The following COL16A1 variants were observed in gnomAD, a reference collection of about 807,000 sequenced individuals.
The protein encoded by COL16A1 is collagen alpha-1(XVI) chain.
Under a neutral mutation model 266.3 loss-of-function variants are expected in COL16A1, and 189 were observed. The observed-to-expected ratio is 0.71, with a 90% CI of 0.63 to 0.80. COL16A1 has a LOEUF of 0.80. Among genes scored for constraint, COL16A1 ranks in the 30% least tolerant of loss-of-function variants. The pLI, the probability that COL16A1 is intolerant of heterozygous loss-of-function variation, is 0.00. For missense variants in COL16A1, 1,928 were observed against 2,122.4 expected (o/e 0.91, Z 1.80); for synonymous variants, 740 against 782.3 (o/e 0.95, Z 0.90).
At chr1:31,683,807 T>C in intron 33 of COL16A1, 59 bp from the exon 34 acceptor site, 2 of 1,612,470 alleles carry the variant, frequency 1.2e-6, no homozygotes, top group Non-Finnish European at 1.7e-6. Context: ...TTTCCCCTTC[T>C]CCCCAGCCCC....
chr1:31,655,696 C>A, intron 66 of COL16A1, 194 bp from the exon 67 acceptor site: 1 of 925,882 alleles, frequency 1.1e-6, no homozygotes, highest in Middle Eastern at 3.2e-4. Context: ...TTACTCCCTG[C>A]TTAGAAATTC....
intron 37 of COL16A1, 69 bp downstream of exon 37, chr1:31,682,865 G>T: frequency 6.3e-7 from 1 of 1,594,654 alleles, no homozygotes. Context: ...TCAGCCCTGT[G>T]CCCTCTTCCC....
chr1:31,672,948 T>A (rs1642861355), intron 44 of COL16A1, 108 bp from the exon 45 acceptor site: 1 of 1,012,574 alleles, frequency 9.9e-7, no homozygotes, highest in African/African-American at 1.6e-5. Flanking sequence ...TGCCCTGCCG[T>A]CTTCCCTCCT....
rs2292990 is a variant in COL16A1 at position 31,670,567 on chromosome 1, G to A, written c.3195+35C>T. The A allele has an allele frequency of 4.4e-6, 6 of 1,348,720 alleles. No homozygotes were observed. The African/African-American group carries it at 6.2e-5, about 14-fold the overall frequency. 83.5% of individuals were successfully genotyped at this position (1,348,720 alleles called of 1,614,324 possible). A position where few individuals can be genotyped will look rare whatever the true frequency, so the allele number is the denominator to read the frequency against. On this transcript the variant is annotated intron_variant, in intron 49 of 70. Transcript: ENST00000373672. The surrounding 1 kb of genome is among the most constrained non-coding windows in gnomAD (Gnocchi z 4.5). ...AAAGCCACAGAGACCTGGCTGACGGGGGGGAGGGGAGGTCGAGCAGCGCTA... is the reference window on the plus strand; with the variant it reads ...AAAGCCACAGAGACCTGGCTGACGGAGGGGAGGGGAGGTCGAGCAGCGCTA...
At chr1:31,667,495 G>A (rs969025161) in intron 52 of COL16A1, 80 bp downstream of exon 52, 161 of 1,248,424 alleles carry the variant, frequency 1.3e-4, no homozygotes, top group Non-Finnish European at 1.7e-4. Flanking sequence ...CCCCTTCACA[G>A]GCTGCTGCCA....
At chr1:31,687,665 G>A (rs371135212) in intron 26 of COL16A1, among the ~76,000 whole-genome samples, 7 of 151,780 alleles carry the variant, frequency 4.6e-5, no homozygotes, top group Non-Finnish European at 7.4e-5. Context: ...ATCTGAGGAC[G>A]ACCGCAAGGC....
rs1644350369 is a variant in COL16A1 at position 31,693,150 on chromosome 1, C to T, written c.1013G>A (p.Gly338Glu). The change falls in exon 13 of 71, where the codon GGG becomes GAG. Residue 338 changes from glycine to glutamate, a missense_variant. Physicochemically the swap from Gly to Glu is moderately conservative, Grantham distance 98 (BLOSUM62 -2). Around this residue, in one of 2 missense-constraint regions of COL16A1, gnomAD observed 1,552 missense variants for 1,637.2 expected, o/e 0.95. Coordinates refer to ENST00000373672, the MANE Select transcript of COL16A1 (RefSeq NM_001856.4). ...ACCAGGCAGGCCCCGCTCACCTTTC[C>T]CTCCCTGAGAGTGAAACCAGAATGG... ...VTLAPSGPKG[G>E]KGERGLPGPP... 1 of 1,606,248 alleles carries T rather than the reference C, an allele frequency of 6.2e-7. No homozygotes were observed. The highest frequency in any genetic ancestry group is 1.3e-5 in the African/African-American group (1 of 74,774).
At chr1:31,660,532 C>T in intron 62 of COL16A1, 53 bp downstream of exon 62, 1 of 1,603,588 alleles carries the variant, frequency 6.2e-7, no homozygotes, top group South Asian at 1.1e-5. Context: ...CACCAACCAC[C>T]CCGCCAAAAT....
rs370294495 is a variant in COL16A1 at position 31,671,617 on chromosome 1, T to C, written c.3148A>G (p.Ile1050Val). Residue 1050 changes from isoleucine (I) to valine (V), a missense_variant and splice_region_variant, in exon 48 of 71, where the codon ATC (isoleucine) becomes GTC (valine). This residue lies in a region of COL16A1 where 1,552 missense variants were observed against 1,637.2 expected (regional missense o/e 0.95). Coordinates refer to ENST00000373672, the MANE Select transcript of COL16A1 (RefSeq NM_001856.4). The stretch of plus-strand genomic sequence containing the variant: ...ACCAGGGCACCACTGATACTTACGA[T>C]AGGGCCTGGAGGACCCGGGGAGCCC... ...MRGSPGPPGPIGPPGFPGAVG... is the reference protein window; with the variant it reads ...MRGSPGPPGPVGPPGFPGAVG... 46 of 1,613,862 alleles carry C rather than the reference T, an allele frequency of 2.9e-5. No homozygotes were observed. The highest frequency in any genetic ancestry group is 3.9e-5 in the Non-Finnish European group (46 of 1,179,980).
chr1:31,691,338 T>TC, intron 19 of COL16A1, 79 bp downstream of exon 19: 6 of 1,581,434 alleles, frequency 3.8e-6, no homozygotes, highest in Non-Finnish European at 4.3e-6. Flanking sequence ...AGCCTTATCT[T>TC]CCCCCCGTTC....
chr1:31,697,606 C>T lies in COL16A1; in HGVS notation c.657+300G>A, dbSNP rs868554519. ...AAGGCATTCCAGGTGGAGGTAACAGCGTAGGCAAAGGCACGGCAGTGTGAA... is the reference window on the plus strand; with the variant it reads ...AAGGCATTCCAGGTGGAGGTAACAGTGTAGGCAAAGGCACGGCAGTGTGAA... On this transcript the variant is annotated intron_variant, in intron 6 of 70. Coordinates refer to ENST00000373672, the MANE Select transcript of COL16A1 (RefSeq NM_001856.4). This position sits in a 1 kb window ranked among gnomAD's most constrained non-coding sequence, Gnocchi z 4.2. Among the ~76,000 whole-genome samples the T allele has an allele frequency of 6.6e-6, 1 of 152,082 alleles. No homozygotes were observed. The highest frequency in any genetic ancestry group is 2.4e-5 in the African/African-American group (1 of 41,400).
Position 31,682,991 on chromosome 1 carries a change from C to A in COL16A1, c.2481G>T (p.Gly827=), listed in dbSNP as rs1208143387. Residue 827 remains glycine (G), a synonymous_variant, in exon 37 of 71, where the codon GGG becomes GGT. Transcript: ENST00000373672. ...CCACAGGTCCGGTGGCTCCTTTCAC[C>A]CCTGGAGATCCCTGTGTAAGAGAAG... ...TGEKGAQGSP[G]VKGATGPVGP... 1 of 1,614,018 alleles carries A rather than the reference C, an allele frequency of 6.2e-7. No individual in the cohort carries two copies. The highest frequency in any genetic ancestry group is 1.7e-5 in the Admixed American group (1 of 60,020).
In COL16A1 at chr1:31,668,258, T is replaced by G. The variant is rs1642317661; in HGVS notation, c.3250-40A>C. ...AGACATGATGGATAGCCCCCCAACA[T>G]TTCTGTTCTCCCCTCGCTGGGTAAG... On this transcript the variant is annotated intron_variant, in intron 50 of 70. Coordinates refer to ENST00000373672, the MANE Select transcript of COL16A1 (RefSeq NM_001856.4). This position sits in a 1 kb window ranked among gnomAD's most constrained non-coding sequence, Gnocchi z 5.8. The G allele has an allele frequency of 6.2e-7, 1 of 1,605,436 alleles. No individual in the cohort carries two copies. Among genetic ancestry groups the G allele is most frequent in the Non-Finnish European group, 8.5e-7 (1 of 1,172,578 alleles).
intron 63 of COL16A1, 110 bp downstream of exon 63, chr1:31,658,804 A>C (rs1373093506): frequency 9.9e-6 from 13 of 1,308,160 alleles, no homozygotes; most frequent in Non-Finnish European, 1.4e-5. Flanking sequence ...CCAGGGAAGG[A>C]GGGGATGAGA....
At chr1:31,679,970 C>G (rs908881612) in intron 40 of COL16A1, 72 bp downstream of exon 40, 2 of 1,595,044 alleles carry the variant, frequency 1.3e-6, no homozygotes, top group Non-Finnish European at 1.7e-6. Flanking sequence ...GGCCTTTGCA[C>G]ACTGGGCACC....
intron 30 of COL16A1, 59 bp from the exon 31 acceptor site, chr1:31,684,689 C>G (rs1349087900): frequency 3.1e-6 from 5 of 1,607,230 alleles, no homozygotes; most frequent in Non-Finnish European, 4.3e-6. Context: ...AGGTTGCCCC[C>G]CTGGGACTCG....
chr1:31,694,080 T>G, intron 12 of COL16A1, 64 bp downstream of exon 12: 1 of 1,470,756 alleles, frequency 6.8e-7, no homozygotes, highest in South Asian at 1.2e-5. Context: ...CAGGGTCACA[T>G]GCTGTGGGAA....
rs745569740 is a variant in COL16A1, at chr1:31,679,540, G to T, written c.2772+92C>A. Reference sequence around the variant, plus strand: ...ATGGCATGTCTGTGTTTTTGGGGTGGGGGAGCAGCATCCTTGGGGTCCAGC... The same window carrying T: ...ATGGCATGTCTGTGTTTTTGGGGTGTGGGAGCAGCATCCTTGGGGTCCAGC... On this transcript the variant is annotated intron_variant, in intron 42 of 70. Transcript: ENST00000373672. 3 of 1,613,854 alleles carry T rather than the reference G, an allele frequency of 1.9e-6. No homozygotes were observed. The South Asian group carries it at 3.3e-5, about 18-fold the overall frequency.
chr1:31,702,046 T>TATGTGCAAGGAC, intron 2 of COL16A1, 75 bp downstream of exon 2: 1 of 1,606,144 alleles, frequency 6.2e-7, no homozygotes, highest in Non-Finnish European at 8.5e-7. Flanking sequence ...CATGGTCACA[T>TATGTGCAAGGAC]ATGTGCAAGG....
Sources: gnomAD v4.1 joint callset for allele counts (sites outside exome capture counted in the v4.1 genomes callset) on GRCh38, gnomAD v4.1.1 for gene constraint, gnomAD v4.1.1 regional missense constraint, Gnocchi (gnomAD v3.1) non-coding constraint, MANE v1.5 for transcripts, NCBI Gene and HGNC (gene_info 2026-07-23, HGNC 2026-07-21) for gene names.